RNF227: variants seen among roughly 807,000 people sequenced by gnomAD.
RNF227 encodes long intergenic non-protein coding RNA 2581.
RNF227 carries 8 observed loss-of-function variants against 4.9 expected under a neutral mutation model. That is an observed-to-expected ratio of 1.65 (90% CI 0.97 to 2.98). The LOEUF is 2.98. RNF227 is among the 30% of genes most tolerant of loss of function. The pLI, the probability that RNF227 is intolerant of heterozygous loss-of-function variation, is 0.00. For synonymous variants in RNF227, 63 were observed against 28.1 expected (o/e 2.25, Z -3.94); for missense variants, 136 against 65.4 (o/e 2.08, Z -3.72).
Position 7,916,009 on chromosome 17 carries a change from C to A in RNF227, c.187G>T (p.Gly63Trp). ...AGGCGCACCACGCGCGCGGCCGCCC[C>A]GCCGCCGTCCCCGCGCGCCGCCAGC... ...RELAARGDGG[G>W]AAARVVRLRR... The change falls in exon 1 of 2, where the codon GGG becomes TGG. Residue 63 changes from glycine to tryptophan, a missense_variant. Physicochemically the swap from Gly to Trp is radical, Grantham distance 184 (BLOSUM62 -2). Transcript: ENST00000324348. 3 of 356,160 alleles carry A rather than the reference C, an allele frequency of 8.4e-6. No individual in the cohort carries two copies. In the East Asian group the frequency reaches 1.2e-4, roughly 15 times the overall value. The allele number at this position is 356,160 out of a possible 1,614,324, so 22.1% of individuals were successfully genotyped here.
chr17:7,915,722 G>A lies in RNF227; in HGVS notation c.474C>T (p.Val158=). 1 of 702,462 alleles carries A rather than the reference G, an allele frequency of 1.4e-6. No homozygotes were observed. The highest frequency in any genetic ancestry group is 1.5e-5 in the South Asian group (1 of 67,546). 43.5% of individuals were successfully genotyped at this position (702,462 alleles called of 1,614,324 possible). ...GCCGCCAGCGCCGCGCAGGCCCCAG[G>A]ACCCTGTCCCAGAGCCGCCGGAGCG... is the stretch of plus-strand genomic sequence containing the variant. ...WRALRRLWDR[V]LGPARRWRRP... is the part of the protein sequence containing the mutation. The change falls in exon 1 of 2, where the codon GTC becomes GTT. Residue 158 remains valine (V), a synonymous_variant. Coordinates refer to ENST00000324348, the MANE Select transcript of RNF227 (RefSeq NM_001358699.2).
Position 7,914,091 on chromosome 17 carries a change from CA to C in RNF227, c.*1430del, listed in dbSNP as rs200566429. 7,001 of 96,800 alleles carry C rather than the reference CA, an allele frequency of 0.072. 182 individuals carry two copies. The highest frequency in any genetic ancestry group is 0.088 in the Non-Finnish European group (4,173 of 47,440). 6.0% of individuals were successfully genotyped at this position (96,800 alleles called of 1,614,324 possible). Reference sequence around the variant, plus strand: ...TGGGCAACAGAGCAAGACTCCATCTCAAAAAAAAAAAAAAAGAACTTTGGAT... The same window carrying C: ...TGGGCAACAGAGCAAGACTCCATCTCAAAAAAAAAAAAAAGAACTTTGGAT... On this transcript the variant is annotated 3_prime_UTR_variant, in exon 2 of 2. Transcript: ENST00000324348.
downstream of RNF227, chr17:7,913,331 A>T (rs1034304612): frequency 2.6e-5 from 4 of 152,222 alleles, no homozygotes; most frequent in African/African-American, 9.6e-5. Flanking sequence ...ATATTAAAAA[A>T]TAAGAGATAA....
In RNF227 at chr17:7,916,081, C is replaced by T. The variant is rs1289273750; in HGVS notation, c.115G>A (p.Ala39Thr). 2.8e-5 allele frequency: 11 copies of T among 387,390 alleles called. No individual in the cohort carries two copies. The highest frequency in any genetic ancestry group is 5.0e-5 in the Non-Finnish European group (11 of 219,320). 24.0% of individuals were successfully genotyped at this position (387,390 alleles called of 1,614,324 possible). Residue 39 changes from alanine (A) to threonine (T), a missense_variant, in exon 1 of 2, where the codon GCG becomes ACG. Ala to Thr is a moderately conservative substitution (Grantham distance 58). Coordinates refer to ENST00000324348, the MANE Select transcript of RNF227 (RefSeq NM_001358699.2). ...ATCGTGTGGCCGCAGCGGGCGCGCG[C>T]CGTTCCGGGCAGGCGGCGGGGCGCG... is the stretch of plus-strand genomic sequence containing the variant. ...CRAPRRLPGT[A>T]RARCGHTICT... is the part of the protein sequence containing the mutation.
Position 7,916,104 on chromosome 17 carries a change from G to A in RNF227, c.92C>T (p.Ala31Val), listed in dbSNP as rs543783001. 7.6e-6 allele frequency: 3 copies of A among 393,960 alleles called. No homozygotes were observed. The highest frequency in any genetic ancestry group is 1.3e-5 in the Non-Finnish European group (3 of 223,356). 24.4% of individuals were successfully genotyped at this position (393,960 alleles called of 1,614,324 possible). The change falls in exon 1 of 2, where the codon GCG becomes GTG. Residue 31 changes from alanine (A) to valine (V), a missense_variant. Coordinates refer to ENST00000324348, the MANE Select transcript of RNF227 (RefSeq NM_001358699.2). The part of the protein sequence containing the change: ...CYRPFNLGCR[A>V]PRRLPGTARA... ...CGCCGTTCCGGGCAGGCGGCGGGGC[G>A]CGCGGCACCCGAGGTTGAAAGGACG... is the stretch of plus-strand genomic sequence containing the variant.
chr17:7,915,486 C>T lies in RNF227; in HGVS notation c.*36G>A, dbSNP rs1390721807. 2 of 703,030 alleles carry T rather than the reference C, an allele frequency of 2.8e-6. No homozygotes were observed. Among genetic ancestry groups the T allele is most frequent in the Admixed American group, 2.0e-5 (1 of 50,018 alleles). 43.5% of individuals were successfully genotyped at this position (703,030 alleles called of 1,614,324 possible). ...ATCAGCCCCCGCGAGGCTGCAGCTCCCACCTTCCTTCGGCTGTAGCTTCCG... is the reference window on the plus strand; with the variant it reads ...ATCAGCCCCCGCGAGGCTGCAGCTCTCACCTTCCTTCGGCTGTAGCTTCCG... On this transcript the variant is annotated 3_prime_UTR_variant, in exon 2 of 2. Coordinates refer to ENST00000324348, the MANE Select transcript of RNF227 (RefSeq NM_001358699.2).
In RNF227 at chr17:7,915,128, A is replaced by G. The variant is rs535461012; in HGVS notation, c.*394T>C. The G allele has an allele frequency of 2.8e-4, 99 of 351,742 alleles. No individual in the cohort carries two copies. Among genetic ancestry groups the G allele is most frequent in the Non-Finnish European group, 1.3e-4 (23 of 182,140 alleles). The allele number at this position is 351,742 out of a possible 1,614,324, so 21.8% of individuals were successfully genotyped here. On this transcript the variant is annotated 3_prime_UTR_variant, in exon 2 of 2. Coordinates refer to ENST00000324348, the MANE Select transcript of RNF227 (RefSeq NM_001358699.2). ...AAATTAGCCTCTTCTCTCCCGTTCC[A>G]TCTTAAAAAAAAAAAAAATTCAAAC...
In RNF227 at chr17:7,915,445, A is replaced by T; in HGVS notation, c.*77T>A. ...TCACATGCCAATCCTGGGATCTGAGAGAGAGTAGTCTTGACATCAGCCCCC... is the reference window on the plus strand; with the variant it reads ...TCACATGCCAATCCTGGGATCTGAGTGAGAGTAGTCTTGACATCAGCCCCC... On this transcript the variant is annotated 3_prime_UTR_variant, in exon 2 of 2. Transcript: ENST00000324348. 1 of 702,458 alleles carries T rather than the reference A, an allele frequency of 1.4e-6. No homozygotes were observed. The allele number at this position is 702,458 out of a possible 1,614,324, so 43.5% of individuals were successfully genotyped here.
In RNF227 at chr17:7,914,551, CAAAAACAA is replaced by C. The variant is rs1050917905; in HGVS notation, c.*963_*970del. 1.3e-5 allele frequency: 2 copies of C among 151,844 alleles called. No individual in the cohort carries two copies. Among genetic ancestry groups the C allele is most frequent in the African/African-American group, 4.8e-5 (2 of 41,326 alleles). The allele number at this position is 151,844 out of a possible 1,614,324, so 9.4% of individuals were successfully genotyped here. A position where few individuals can be genotyped will look rare whatever the true frequency, so the allele number is the denominator to read the frequency against. ...GACACAGTGAGACTCTGGCTCAAAA[CAAAAACAA>C]AAAAACAAAAAACCCTGCCAGAGTC... On this transcript the variant is annotated 3_prime_UTR_variant, in exon 2 of 2. Transcript: ENST00000324348.
rs1048532203 is a variant in RNF227 at position 7,915,395 on chromosome 17, T to C, written c.*127A>G. The C allele has an allele frequency of 4.3e-6, 3 of 701,856 alleles. No individual in the cohort carries two copies. The highest frequency in any genetic ancestry group is 2.0e-5 in the Admixed American group (1 of 49,986). 43.5% of individuals were successfully genotyped at this position (701,856 alleles called of 1,614,324 possible). Reference sequence around the variant, plus strand: ...CATCAACACCTCCCAGGGCGTTCCCTCCTGCCTTCGGCTCATCTCTCTCAT... The same window carrying C: ...CATCAACACCTCCCAGGGCGTTCCCCCCTGCCTTCGGCTCATCTCTCTCAT... On this transcript the variant is annotated 3_prime_UTR_variant, in exon 2 of 2. Coordinates refer to ENST00000324348, the MANE Select transcript of RNF227 (RefSeq NM_001358699.2).
rs1971970117 is a variant in RNF227, at chr17:7,916,203, G to A, written c.-8C>T. The stretch of plus-strand genomic sequence containing the variant: ...CCTCACCAAGAGCTGCATCGTGCCC[G>A]CCGCGGACTCGAGGACGTCGCTAAC... On this transcript the variant is annotated 5_prime_UTR_variant, in exon 1 of 2. Transcript: ENST00000324348. 7.7e-6 allele frequency: 3 copies of A among 391,644 alleles called. No individual in the cohort carries two copies. Among genetic ancestry groups the A allele is most frequent in the Non-Finnish European group, 1.4e-5 (3 of 221,450 alleles). The allele number at this position is 391,644 out of a possible 1,614,324, so 24.3% of individuals were successfully genotyped here. A position where few individuals can be genotyped will look rare whatever the true frequency, so the allele number is the denominator to read the frequency against.
At position 7,916,254 on chromosome 17, in the gene RNF227, G is replaced by C. The variant is rs924067516; in HGVS notation, c.-59C>G. On this transcript the variant is annotated 5_prime_UTR_variant, in exon 1 of 2. Coordinates refer to ENST00000324348, the MANE Select transcript of RNF227 (RefSeq NM_001358699.2). ...GCGGCCAGCTCCGTGAACAGAACGA[G>C]CACACTCTCCTGGGGCCGGGTCGGG... 5.4e-6 allele frequency: 2 copies of C among 370,022 alleles called. No individual in the cohort carries two copies. Among genetic ancestry groups the C allele is most frequent in the African/African-American group, 4.2e-5 (2 of 47,440 alleles). 22.9% of individuals were successfully genotyped at this position (370,022 alleles called of 1,614,324 possible).
At position 7,914,147 on chromosome 17, in the gene RNF227, C is replaced by G. The variant is rs1298938792; in HGVS notation, c.*1375G>C. On this transcript the variant is annotated 3_prime_UTR_variant, in exon 2 of 2. Transcript: ENST00000324348. The stretch of plus-strand genomic sequence containing the variant: ...TAATCTATCAGTCATACCTATTATG[C>G]TTTAAATATTCTACCTACAGATGGT... 6.6e-6 allele frequency: 1 copy of G among 151,724 alleles called. No individual in the cohort carries two copies. Among genetic ancestry groups the G allele is most frequent in the African/African-American group, 2.4e-5 (1 of 41,290 alleles). 9.4% of individuals were successfully genotyped at this position (151,724 alleles called of 1,614,324 possible). A position where few individuals can be genotyped will look rare whatever the true frequency, so the allele number is the denominator to read the frequency against.
rs949161578 is a variant in RNF227, at chr17:7,915,842, C to A, written c.354G>T (p.Gly118=). 2.3e-5 allele frequency: 16 copies of A among 702,770 alleles called. No individual in the cohort carries two copies. The highest frequency in any genetic ancestry group is 3.9e-5 in the Non-Finnish European group (15 of 384,772). The allele number at this position is 702,770 out of a possible 1,614,324, so 43.5% of individuals were successfully genotyped here. A position where few individuals can be genotyped will look rare whatever the true frequency, so the allele number is the denominator to read the frequency against. ...CGTCGCTGCTTTCCTTGGCCGGGTT[C>A]CCAGCCTCATCTCGTTCGCACTTGG... is the stretch of plus-strand genomic sequence containing the variant. The part of the protein sequence containing the change: ...ARAKCERDEA[G]NPAKESSDAD... Residue 118 remains glycine, a synonymous_variant, in exon 1 of 2, where the codon GGG becomes GGT. Transcript: ENST00000324348.
At position 7,915,267 on chromosome 17, in the gene RNF227, T is replaced by C. The variant is rs1358108717; in HGVS notation, c.*255A>G. On this transcript the variant is annotated 3_prime_UTR_variant, in exon 2 of 2. Transcript: ENST00000324348. ...AGTCTGTCTTCTTCCCACGGTAACG[T>C]AGGCTTTGTTTATATCATCCCTTGG... 1 of 598,582 alleles carries C rather than the reference T, an allele frequency of 1.7e-6. No individual in the cohort carries two copies. Among genetic ancestry groups the C allele is most frequent in the African/African-American group, 1.8e-5 (1 of 54,368 alleles). 37.1% of individuals were successfully genotyped at this position (598,582 alleles called of 1,614,324 possible).
intron 1 of RNF227, 41 bp downstream of exon 1, chr17:7,915,638 C>T (rs1971956995): frequency 1.4e-6 from 1 of 702,796 alleles, no homozygotes; most frequent in Non-Finnish European, 2.6e-6. Flanking sequence ...CGGTATTCCT[C>T]GGCGCTCTCT....
At position 7,913,415 on chromosome 17, in the gene RNF227, G is replaced by A. The variant is rs1387489237; in HGVS notation, c.*2107C>T. ...GGCCCTGGAGATAAAACAGTCACAG[G>A]TCAGCCCTTGCTCCCATAGGGCTTA... On this transcript the variant is annotated 3_prime_UTR_variant, in exon 2 of 2. Coordinates refer to ENST00000324348, the MANE Select transcript of RNF227 (RefSeq NM_001358699.2). 1 of 152,106 alleles carries A rather than the reference G, an allele frequency of 6.6e-6. No homozygotes were observed. Among genetic ancestry groups the A allele is most frequent in the Non-Finnish European group, 1.5e-5 (1 of 68,038 alleles). The allele number at this position is 152,106 out of a possible 1,614,324, so 9.4% of individuals were successfully genotyped here. A position where few individuals can be genotyped will look rare whatever the true frequency, so the allele number is the denominator to read the frequency against.
In RNF227 at chr17:7,915,187, G is replaced by A; in HGVS notation, c.*335C>T. On this transcript the variant is annotated 3_prime_UTR_variant, in exon 2 of 2. Coordinates refer to ENST00000324348, the MANE Select transcript of RNF227 (RefSeq NM_001358699.2). ...AAGAATTGCTAAAATGGGACCTGTTGCTCCCACACACCAGAGCCACCCTGG... is the reference window on the plus strand; with the variant it reads ...AAGAATTGCTAAAATGGGACCTGTTACTCCCACACACCAGAGCCACCCTGG... The A allele has an allele frequency of 1.1e-5, 5 of 436,288 alleles. No individual in the cohort carries two copies. Among genetic ancestry groups the A allele is most frequent in the Middle Eastern group, 6.6e-4 (1 of 1,522 alleles). The allele number at this position is 436,288 out of a possible 1,614,324, so 27.0% of individuals were successfully genotyped here.
In RNF227 at chr17:7,915,860, G is replaced by A; in HGVS notation, c.336C>T (p.Cys112=). ...SRLEEKARAK[C]ERDEAGNPAK... is the part of the protein sequence containing the mutation. ...CCGGGTTCCCAGCCTCATCTCGTTC[G>A]CACTTGGCCCGCGCTTTTTCCTCCA... The change falls in exon 1 of 2, where the codon TGC becomes TGT. Residue 112 remains cysteine (C), a synonymous_variant. Coordinates refer to ENST00000324348, the MANE Select transcript of RNF227 (RefSeq NM_001358699.2). 2 of 702,646 alleles carry A rather than the reference G, an allele frequency of 2.8e-6. No individual in the cohort carries two copies. The highest frequency in any genetic ancestry group is 5.2e-6 in the Non-Finnish European group (2 of 384,750). 43.5% of individuals were successfully genotyped at this position (702,646 alleles called of 1,614,324 possible).
Sources: allele counts gnomAD v4.1 joint callset, GRCh38; gene constraint gnomAD v4.1.1; transcripts MANE v1.5; gene names NCBI Gene and HGNC (gene_info 2026-07-23, HGNC 2026-07-21).